Variants in ZNF423 observed in about 807,000 individuals in gnomAD.
ZNF423 encodes the protein zinc finger protein 423.
Under a neutral mutation model 95.8 loss-of-function variants are expected in ZNF423, and 12 were observed. The ratio of observed to expected loss-of-function variants is 0.13; its 90% CI spans 0.08 to 0.20. The LOEUF is 0.20. Among genes scored for constraint, ZNF423 ranks in the 10% least tolerant of loss-of-function variants. The pLI is 1.00. For synonymous variants in ZNF423, 749 were observed against 711.9 expected (o/e 1.05, Z -0.83); for missense variants, 1,316 against 1,737.1 (o/e 0.76, Z 4.31).
At position 49,635,823 on chromosome 16, in the gene ZNF423, G is replaced by A; in HGVS notation, c.3353C>T (p.Pro1118Leu). 1 of 1,607,866 alleles carries A rather than the reference G, an allele frequency of 6.2e-7. No homozygotes were observed. The highest frequency in any genetic ancestry group is 1.3e-5 in the African/African-American group (1 of 74,834). Reference protein sequence around the residue: ...ANGQVGGLAPPEPADRPCAGL... With the variant: ...ANGQVGGLAPLEPADRPCAGL... The stretch of plus-strand genomic sequence containing the variant: ...GGCACAGGGCCGGTCGGCGGGCTCG[G>A]GCGGGGCCAGGCCACCCACCTGTCC... The change falls in exon 4 of 8, where the codon CCC becomes CTC. Residue 1118 changes from proline to leucine, a missense_variant. Transcript: ENST00000563137. This position sits in a 1 kb window ranked among gnomAD's most constrained non-coding sequence, Gnocchi z 4.8.
At chr16:49,817,791 T>A (rs924015037) in intron 1 of ZNF423, among the ~76,000 whole-genome samples, 2 of 152,330 alleles carry the variant, frequency 1.3e-5, no homozygotes, top group African/African-American at 4.8e-5. Context: ...AGTCTATCCA[T>A]CTTTTGACCC....
intron 3 of ZNF423, among the ~76,000 whole-genome samples, chr16:49,666,722 C>T (rs555320337): frequency 8.5e-5 from 13 of 152,356 alleles, no homozygotes; most frequent in African/African-American, 1.7e-4. Context: ...CACCAGACCC[C>T]CAGGGAGGGC....
At chr16:49,677,248 T>TAAGAGAAGAGAAGAGAAGAG (rs1377639641) in intron 3 of ZNF423, among the ~76,000 whole-genome samples, 1 of 68,614 alleles carries the variant, frequency 1.5e-5, no homozygotes, top group African/African-American at 6.7e-5. Context: ...GAAGAGAAGA[T>TAAGAGAAGAGAAGAGAAGAG]AAGAGAAGAG....
At chr16:49,831,900 C>T (rs1460871962) in intron 1 of ZNF423, among the ~76,000 whole-genome samples, 3 of 150,136 alleles carry the variant, frequency 2.0e-5, no homozygotes, top group African/African-American at 7.4e-5. Context: ...ACTGGGGAGG[C>T]GGAGGCAGGA....
intron 1 of ZNF423, among the ~76,000 whole-genome samples, chr16:49,827,373 CCAA>C (rs1055902121): frequency 3.3e-5 from 5 of 152,034 alleles, no homozygotes; most frequent in Admixed American, 1.3e-4. Context: ...TGTCTGGTTA[CCAA>C]CAACAACAAG....
chr16:49,499,659 C>T (rs1023966260), intron 7 of ZNF423, among the ~76,000 whole-genome samples: 9 of 152,284 alleles, frequency 5.9e-5, no homozygotes, highest in Non-Finnish European at 1.3e-4. Flanking sequence ...TTTCCGTGAA[C>T]CCCCTCTTGC....
At chr16:49,494,497 G>C (rs561459832) in intron 7 of ZNF423, among the ~76,000 whole-genome samples, 4 of 152,342 alleles carry the variant, frequency 2.6e-5, no homozygotes, top group Admixed American at 6.5e-5. Context: ...CCTACCCCTC[G>C]AGGGGCCTGA....
intron 2 of ZNF423, among the ~76,000 whole-genome samples, chr16:49,766,055 T>C (rs1308686253): frequency 6.6e-6 from 1 of 152,230 alleles, no homozygotes; most frequent in Admixed American, 6.5e-5. Context: ...AACTGTGCAC[T>C]TAAAATGGTT....
chr16:49,540,277 T>C (rs1700142377), intron 5 of ZNF423, among the ~76,000 whole-genome samples: 1 of 152,008 alleles, frequency 6.6e-6, no homozygotes, highest in African/African-American at 2.4e-5. Flanking sequence ...ATCCACAATG[T>C]TTTTGTTTTG....
At position 49,717,232 on chromosome 16, in the gene ZNF423, C is replaced by G. The variant is rs1374991947; in HGVS notation, c.301+13539G>C. Among the ~76,000 whole-genome samples, 5 of 147,830 alleles carry G rather than the reference C, an allele frequency of 3.4e-5. No individual in the cohort carries two copies. In the East Asian group the frequency reaches 7.7e-4, roughly 23 times the overall value. ...TCCCCACTCCCCCACTGCCCTGGCACACAGAGGCATCTTACCCAGAGGCAA... is the reference window on the plus strand; with the variant it reads ...TCCCCACTCCCCCACTGCCCTGGCAGACAGAGGCATCTTACCCAGAGGCAA... On this transcript the variant is annotated intron_variant, in intron 3 of 7. Transcript: ENST00000563137.
chr16:49,628,129 A>C (rs1292241947), intron 4 of ZNF423, among the ~76,000 whole-genome samples: 1 of 144,342 alleles, frequency 6.9e-6, no homozygotes, highest in Admixed American at 6.8e-5. Flanking sequence ...TACTCCAACC[A>C]TCCATCCATC....
At chr16:49,726,500 G>T (rs1402428620) in intron 3 of ZNF423, among the ~76,000 whole-genome samples, 1 of 152,154 alleles carries the variant, frequency 6.6e-6, no homozygotes, top group African/African-American at 2.4e-5. Flanking sequence ...ACCCCCTGCT[G>T]CAGTTTAAAG....
At chr16:49,552,448 G>C (rs1969676236) in intron 5 of ZNF423, among the ~76,000 whole-genome samples, 1 of 152,202 alleles carries the variant, frequency 6.6e-6, no homozygotes, top group Admixed American at 6.5e-5. Flanking sequence ...CAAGGGGCCA[G>C]CGCAGCCCCT....
chr16:49,637,841 G>C lies in ZNF423; in HGVS notation c.1335C>G (p.Pro445=), dbSNP rs1972795737. The C allele has an allele frequency of 6.2e-7, 1 of 1,614,164 alleles. No individual in the cohort carries two copies. The highest frequency in any genetic ancestry group is 2.2e-5 in the East Asian group (1 of 44,872). ...AGATCTGACATGTGTGGCTCTGCTG[G>C]GGCTTGTCCGCGTGGATGGTCTTCA... The part of the protein sequence containing the change: ...IHLKTIHADK[P]QQSHTCQICL... The change falls in exon 4 of 8, where the codon CCC becomes CCG. Residue 445 remains proline (P), a synonymous_variant. Coordinates refer to ENST00000563137, the MANE Select transcript of ZNF423 (RefSeq NM_001379286.1). The surrounding 1 kb of genome is among the most constrained non-coding windows in gnomAD (Gnocchi z 5.6).
chr16:49,539,975 G>A (rs1969192611), intron 5 of ZNF423, among the ~76,000 whole-genome samples: 1 of 152,130 alleles, frequency 6.6e-6, no homozygotes, highest in Non-Finnish European at 1.5e-5. Flanking sequence ...GTGACCCAGG[G>A]CCCAGGATGC....
chr16:49,580,979 G>A (rs77866677), intron 5 of ZNF423, among the ~76,000 whole-genome samples: 2,654 of 152,114 alleles, frequency 0.017, 84 homozygotes, highest in African/African-American at 0.059. Context: ...GAGAGTTCAC[G>A]GGCTGAGTAG....
At chr16:49,591,762 A>G (rs1971017240) in intron 5 of ZNF423, among the ~76,000 whole-genome samples, 1 of 152,270 alleles carries the variant, frequency 6.6e-6, no homozygotes, top group Non-Finnish European at 1.5e-5. Context: ...GTGCAAAAAC[A>G]GTACAGACAT....
intron 5 of ZNF423, among the ~76,000 whole-genome samples, chr16:49,581,627 C>T (rs4785325): frequency 0.17 from 26,407 of 152,086 alleles, 2,325 homozygotes; most frequent in East Asian, 0.27. Flanking sequence ...AAAAATTTAG[C>T]TTGATGGAAT....
chr16:49,635,165 TTG>T lies in ZNF423; in HGVS notation c.3516+493_3516+494del, dbSNP rs368291582. The stretch of plus-strand genomic sequence containing the variant: ...CCATGAGTGCTGGGCTCTCGGCCCC[TTG>T]TGTGTGTGTGATCTCTATGAACTGT... On this transcript the variant is annotated intron_variant, in intron 4 of 7. Coordinates refer to ENST00000563137, the MANE Select transcript of ZNF423 (RefSeq NM_001379286.1). The surrounding 1 kb of genome is among the most constrained non-coding windows in gnomAD (Gnocchi z 4.8). Among the ~76,000 whole-genome samples, 2 of 152,166 alleles carry T rather than the reference TTG, an allele frequency of 1.3e-5. No individual in the cohort carries two copies. Among genetic ancestry groups the T allele is most frequent in the East Asian group, 3.9e-4 (2 of 5,176 alleles).
Sources: gnomAD v4.1 joint callset for allele counts (sites outside exome capture counted in the v4.1 genomes callset) on GRCh38, gnomAD v4.1.1 for gene constraint, Gnocchi (gnomAD v3.1) non-coding constraint, MANE v1.5 for transcripts, NCBI Gene and HGNC (gene_info 2026-07-23, HGNC 2026-07-21) for gene names.